Variants in CAMK2D observed in about 807,000 individuals in gnomAD.
CAMK2D encodes the protein calcium/calmodulin dependent protein kinase II delta.
Under a neutral mutation model 84.0 loss-of-function variants are expected in CAMK2D, and 37 were observed. The ratio of observed to expected loss-of-function variants is 0.44; its 90% CI spans 0.34 to 0.58. The LOEUF (loss-of-function observed/expected upper bound fraction) is 0.58. Among genes scored for constraint, CAMK2D ranks in the 20% least tolerant of loss-of-function variants. The pLI is 0.02. For missense variants in CAMK2D, 448 were observed against 652.5 expected, an observed-to-expected ratio of 0.69 and a Z score of 3.41; for synonymous variants, 202 against 212.5, an observed-to-expected ratio of 0.95 and a Z score of 0.43.
At chr4:113,462,284 G>GTC (rs2097390164) in intron 17 of CAMK2D, among the ~76,000 whole-genome samples, 1 of 81,640 alleles carries the variant, frequency 1.2e-5, no homozygotes, top group Admixed American at 1.4e-4. Flanking sequence ...GTGTGTGTGT[G>GTC]TGTGTGTGTG....
At chr4:113,644,874 A>C (rs1433898877) in intron 3 of CAMK2D, among the ~76,000 whole-genome samples, 4 of 152,200 alleles carry the variant, frequency 2.6e-5, no homozygotes, top group Non-Finnish European at 5.9e-5. Flanking sequence ...GCAGACCTCC[A>C]AGGTCCAAGT....
intron 3 of CAMK2D, 125 bp downstream of exon 3, chr4:113,661,588 G>A: frequency 2.1e-6 from 1 of 476,196 alleles, no homozygotes. Flanking sequence ...AACCAAGATT[G>A]AAAGTTAGGA....
At chr4:113,537,313 G>T in intron 7 of CAMK2D, 28 bp downstream of exon 7, 1 of 1,159,478 alleles carries the variant, frequency 8.6e-7, no homozygotes. Context: ...AAGACTATAG[G>T]TAGCATGAAG....
intron 9 of CAMK2D, among the ~76,000 whole-genome samples, chr4:113,515,868 C>T (rs1442858356): frequency 2.6e-5 from 4 of 152,324 alleles, no homozygotes; most frequent in South Asian, 2.1e-4. Flanking sequence ...CTTCCCATTA[C>T]TAATACTTTT....
At position 113,547,497 on chromosome 4, in the gene CAMK2D, CTG is replaced by C. The variant is rs2098588396; in HGVS notation, c.414+145_414+146del. ...TGTGTTAGAGATGAAATAAGAGAGA[CTG>C]TGGTGAGGGAAAGTTCCTGAGTAAC... On this transcript the variant is annotated intron_variant, in intron 6 of 20. Coordinates refer to ENST00000511664, the MANE Select transcript of CAMK2D (RefSeq NM_001321571.2). The C allele has an allele frequency of 8.1e-6, 4 of 492,532 alleles. No homozygotes were observed. In the Admixed American group the frequency reaches 1.1e-4, roughly 14 times the overall value. 30.5% of individuals were successfully genotyped at this position (492,532 alleles called of 1,614,324 possible).
rs150598314 is a variant in CAMK2D at position 113,664,059 on chromosome 4, G to T, written c.161-2287C>A. ...CTGACACACACAGAAGGAAGATCAC[G>T]TGAAGAGACGAGGATAAGACAGGCA... is the stretch of plus-strand genomic sequence containing the variant. On this transcript the variant is annotated intron_variant, in intron 2 of 20. Transcript: ENST00000511664. 1.1e-3 allele frequency among the ~76,000 whole-genome samples: 163 copies of T among 152,284 alleles called. 1 individual carries two copies. The highest frequency in any genetic ancestry group is 1.7e-3 in the Admixed American group (26 of 15,288).
chr4:113,529,338 T>C (rs2098442839), intron 8 of CAMK2D, among the ~76,000 whole-genome samples: 1 of 152,178 alleles, frequency 6.6e-6, no homozygotes, highest in South Asian at 2.1e-4. Context: ...CACTATAAAG[T>C]AGTGATGATG....
At chr4:113,476,274 T>C (rs1046455840) in intron 16 of CAMK2D, among the ~76,000 whole-genome samples, 8 of 152,202 alleles carry the variant, frequency 5.3e-5, no homozygotes, top group African/African-American at 1.9e-4. Flanking sequence ...AAATTTACAA[T>C]GGTCTGTCAC....
chr4:113,694,412 G>A (rs761313512), intron 2 of CAMK2D, among the ~76,000 whole-genome samples: 2 of 152,074 alleles, frequency 1.3e-5, no homozygotes, highest in East Asian at 1.9e-4. Context: ...AAAAGGCATC[G>A]TGCACATCAC....
chr4:113,603,161 T>A (rs1048722776), intron 4 of CAMK2D, among the ~76,000 whole-genome samples: 1 of 152,168 alleles, frequency 6.6e-6, no homozygotes, highest in African/African-American at 2.4e-5. Context: ...TTGAAAAAAA[T>A]CAGGGCAGTT....
intron 3 of CAMK2D, among the ~76,000 whole-genome samples, chr4:113,612,254 A>G (rs1241967468): frequency 6.6e-6 from 1 of 152,172 alleles, no homozygotes; most frequent in Non-Finnish European, 1.5e-5. Context: ...TTAGTTGTAG[A>G]CATCATCTAT....
chr4:113,483,317 A>G (rs1002728758), intron 16 of CAMK2D, among the ~76,000 whole-genome samples: 1 of 151,984 alleles, frequency 6.6e-6, no homozygotes, highest in Non-Finnish European at 1.5e-5. Flanking sequence ...TTTCAAATAG[A>G]GGTCTCTTTG....
intron 4 of CAMK2D, among the ~76,000 whole-genome samples, chr4:113,563,136 C>A (rs2098706293): frequency 6.6e-6 from 1 of 151,970 alleles, no homozygotes; most frequent in African/African-American, 2.4e-5. Context: ...TGCCTGTAAT[C>A]TCAGCTGCTC....
intron 2 of CAMK2D, among the ~76,000 whole-genome samples, chr4:113,748,832 A>G (rs995330399): frequency 3.3e-5 from 5 of 151,994 alleles, no homozygotes; most frequent in Non-Finnish European, 7.4e-5. Context: ...TGTAATTAGA[A>G]TATATATATT....
At chr4:113,642,228 T>C (rs1484789573) in intron 3 of CAMK2D, among the ~76,000 whole-genome samples, 2 of 152,200 alleles carry the variant, frequency 1.3e-5, no homozygotes, top group African/African-American at 4.8e-5. Context: ...TGCCAGTTAC[T>C]GTGCTCCAAA....
At chr4:113,568,281 A>G (rs939412429) in intron 4 of CAMK2D, among the ~76,000 whole-genome samples, 1 of 152,084 alleles carries the variant, frequency 6.6e-6, no homozygotes, top group Admixed American at 6.6e-5. Flanking sequence ...GTCTTTCCCT[A>G]TGAATTTGCC....
At chr4:113,727,952 A>G (rs570819867) in intron 2 of CAMK2D, among the ~76,000 whole-genome samples, 8 of 152,258 alleles carry the variant, frequency 5.3e-5, no homozygotes, top group African/African-American at 1.9e-4. Context: ...GCAAATTAAA[A>G]CCACACTGAG....
intron 3 of CAMK2D, among the ~76,000 whole-genome samples, chr4:113,657,432 C>G (rs923803612): frequency 1.3e-5 from 2 of 151,968 alleles, no homozygotes; most frequent in African/African-American, 4.8e-5. Flanking sequence ...GCTACACACT[C>G]AAGAAATTTT....
At chr4:113,574,020 AG>A (rs2098767782) in intron 4 of CAMK2D, among the ~76,000 whole-genome samples, 1 of 152,170 alleles carries the variant, frequency 6.6e-6, no homozygotes, top group Non-Finnish European at 1.5e-5. Flanking sequence ...AAGGCATTTC[AG>A]GGTACGCAAA....
Sources: allele counts gnomAD v4.1 joint callset (sites outside exome capture counted in the v4.1 genomes callset), GRCh38; gene constraint gnomAD v4.1.1; transcripts MANE v1.5; gene names NCBI Gene and HGNC (gene_info 2026-07-23, HGNC 2026-07-21).